The following COMMD10 variants were observed in gnomAD, a reference collection of about 807,000 sequenced individuals.
COMMD10 encodes COMM domain containing 10, also known as COMM domain-containing protein 10.
In COMMD10, 33 loss-of-function variants were observed where a neutral mutation model predicts 28.9. That is an observed-to-expected ratio of 1.14 (90% CI 0.87 to 1.53). COMMD10 has a LOEUF of 1.53. COMMD10 is among the 40% of genes most tolerant of loss of function. COMMD10 has a pLI of 0.00. For synonymous variants in COMMD10, 110 were observed against 81.7 expected (o/e 1.35, Z -1.87); for missense variants, 310 against 233.4 (o/e 1.33, Z -2.14).
At chr5:116,288,971 T>A (rs2112716348) in intron 5 of COMMD10, among the ~76,000 whole-genome samples, 1 of 144,988 alleles carries the variant, frequency 6.9e-6, no homozygotes, top group Middle Eastern at 3.5e-3. Flanking sequence ...AACCTCTGCC[T>A]CCTGGGTTCA....
intron 5 of COMMD10, among the ~76,000 whole-genome samples, chr5:116,277,125 A>G (rs1685598735): frequency 6.6e-6 from 1 of 151,896 alleles, no homozygotes; most frequent in Admixed American, 6.6e-5. Context: ...CCCATGTTCC[A>G]TCCTTTATTT....
intron 4 of COMMD10, among the ~76,000 whole-genome samples, chr5:116,126,647 C>T (rs1297206330): frequency 6.6e-6 from 1 of 151,740 alleles, no homozygotes; most frequent in Admixed American, 6.6e-5. Flanking sequence ...TGATCTTTGA[C>T]AAACCTGACA....
intron 5 of COMMD10, among the ~76,000 whole-genome samples, chr5:116,264,622 A>G (rs1750535745): frequency 6.6e-6 from 1 of 151,886 alleles, no homozygotes; most frequent in Non-Finnish European, 1.5e-5. Flanking sequence ...TACATAACAG[A>G]CACAGCACTG....
rs1036426772 is a variant in COMMD10 at position 116,216,116 on chromosome 5, G to A, written c.511-75401G>A. Among the ~76,000 whole-genome samples the A allele has an allele frequency of 4.7e-4, 72 of 152,206 alleles. 1 individual carries two copies. The highest frequency in any genetic ancestry group is 1.6e-3 in the African/African-American group (68 of 41,540). ...TTTTCTCCAATTAGACAGATTAGAG[G>A]TTTAATCCTAAAAGAACCCCAGTAT... On this transcript the variant is annotated intron_variant, in intron 5 of 6. Transcript: ENST00000274458.
At chr5:116,196,784 T>G (rs528649120) in intron 5 of COMMD10, among the ~76,000 whole-genome samples, 5 of 152,202 alleles carry the variant, frequency 3.3e-5, no homozygotes, top group South Asian at 2.1e-4. Flanking sequence ...ATAACTAATA[T>G]AGTATATTCT....
intron 5 of COMMD10, among the ~76,000 whole-genome samples, chr5:116,184,375 G>C (rs1748073126): frequency 2.0e-5 from 3 of 149,080 alleles, no homozygotes; most frequent in African/African-American, 7.4e-5. Context: ...AAGTTGAATT[G>C]ATTTGGGCTT....
Position 116,092,682 on chromosome 5 carries a change from A to G in COMMD10, c.381A>G (p.Arg127=). The change falls in exon 4 of 7, where the codon AGA becomes AGG. Residue 127 remains arginine, a synonymous_variant. Coordinates refer to ENST00000274458, the MANE Select transcript of COMMD10 (RefSeq NM_016144.4). ...AAACAGTTGAAAAGTTCCGGCAGAG[A>G]ATTCTGGCTCCCTGTAAGGTATAGA... ...GQETVEKFRQ[R]ILAPCKLETV... is the part of the protein sequence containing the mutation. 6.2e-7 allele frequency: 1 copy of G among 1,607,074 alleles called. No individual in the cohort carries two copies. The highest frequency in any genetic ancestry group is 8.5e-7 in the Non-Finnish European group (1 of 1,176,626).
In COMMD10 at chr5:116,293,144, T is replaced by TA. The variant is rs952886109; in HGVS notation, c.*656dup. Reference sequence around the variant, plus strand: ...ACTGCAAATTAATAATGATTCACTTTATAGTTTGGGAGACAGAATCAGGTC... The same window carrying TA: ...ACTGCAAATTAATAATGATTCACTTTAATAGTTTGGGAGACAGAATCAGGTC... On this transcript the variant is annotated 3_prime_UTR_variant, in exon 7 of 7. Transcript: ENST00000274458. 4.8e-5 allele frequency: 19 copies of TA among 393,970 alleles called. No homozygotes were observed. Among genetic ancestry groups the TA allele is most frequent in the Non-Finnish European group, 8.5e-5 (19 of 223,094 alleles). The allele number at this position is 393,970 out of a possible 1,614,324, so 24.4% of individuals were successfully genotyped here. A position where few individuals can be genotyped will look rare whatever the true frequency, so the allele number is the denominator to read the frequency against.
intron 4 of COMMD10, among the ~76,000 whole-genome samples, chr5:116,117,839 AT>A (rs1751291475): frequency 6.6e-6 from 1 of 152,144 alleles, no homozygotes; most frequent in Non-Finnish European, 1.5e-5. Flanking sequence ...ATATATTTTT[AT>A]ATTCAAGGAG....
chr5:116,271,957 T>C (rs1383004530), intron 5 of COMMD10, among the ~76,000 whole-genome samples: 10 of 151,862 alleles, frequency 6.6e-5, no homozygotes. Context: ...AAAGTAAAAA[T>C]TACTTATAAC....
intron 4 of COMMD10, among the ~76,000 whole-genome samples, chr5:116,107,172 G>A (rs1046538126): frequency 3.9e-5 from 6 of 152,036 alleles, no homozygotes; most frequent in Middle Eastern, 6.8e-3. Flanking sequence ...TGCTCTTCTC[G>A]AGGAGTATCT....
intron 5 of COMMD10, among the ~76,000 whole-genome samples, chr5:116,156,717 A>T (rs529795920): frequency 1.3e-5 from 2 of 152,254 alleles, no homozygotes; most frequent in South Asian, 4.1e-4. Flanking sequence ...AAGTTAGAAG[A>T]AGTTCTTTAT....
At chr5:116,199,868 C>A (rs1580542708) in intron 5 of COMMD10, among the ~76,000 whole-genome samples, 1 of 152,140 alleles carries the variant, frequency 6.6e-6, no homozygotes, top group Non-Finnish European at 1.5e-5. Flanking sequence ...GTATGTAGCA[C>A]CATGCCTGGC....
intron 5 of COMMD10, among the ~76,000 whole-genome samples, chr5:116,166,191 C>G (rs1753088639): frequency 6.6e-6 from 1 of 151,970 alleles, no homozygotes; most frequent in Non-Finnish European, 1.5e-5. Context: ...TGTTACTGGT[C>G]ATAATTTAAG....
At chr5:116,157,835 G>A (rs1752767550) in intron 5 of COMMD10, among the ~76,000 whole-genome samples, 1 of 152,084 alleles carries the variant, frequency 6.6e-6, no homozygotes, top group African/African-American at 2.4e-5. Flanking sequence ...ATCATGTCCA[G>A]AACTGCTAGT....
intron 5 of COMMD10, among the ~76,000 whole-genome samples, chr5:116,155,353 C>T (rs1358340651): frequency 1.3e-5 from 2 of 152,078 alleles, no homozygotes; most frequent in Non-Finnish European, 2.9e-5. Context: ...TATATGCCAT[C>T]AGAATCTTCA....
At chr5:116,283,814 C>A (rs1329753178) in intron 5 of COMMD10, among the ~76,000 whole-genome samples, 2 of 151,630 alleles carry the variant, frequency 1.3e-5, no homozygotes, top group Non-Finnish European at 2.9e-5. Context: ...TATTATATTC[C>A]TTTGAAAGAA....
chr5:116,098,827 G>A (rs951457806), intron 4 of COMMD10, among the ~76,000 whole-genome samples: 1 of 151,998 alleles, frequency 6.6e-6, no homozygotes, highest in African/African-American at 2.4e-5. Flanking sequence ...CTTTATCGAG[G>A]TATAATTGAT....
chr5:116,139,591 TC>T (rs1337307043), intron 5 of COMMD10, among the ~76,000 whole-genome samples: 2 of 128,802 alleles, frequency 1.6e-5, no homozygotes, highest in African/African-American at 4.1e-5. Context: ...GTCTGCATTT[TC>T]CTTTTTTTTT....
Sources: gnomAD v4.1 joint callset for allele counts (sites outside exome capture counted in the v4.1 genomes callset) on GRCh38, gnomAD v4.1.1 for gene constraint, MANE v1.5 for transcripts, NCBI Gene and HGNC (gene_info 2026-07-23, HGNC 2026-07-21) for gene names.